TCF7L2: variants seen among roughly 807,000 people sequenced by gnomAD.
TCF7L2 encodes transcription factor 7-like 2.
In TCF7L2, 23 loss-of-function variants were observed where a neutral mutation model predicts 77.9. The ratio of observed to expected loss-of-function variants is 0.30; its 90% CI spans 0.21 to 0.42. The LOEUF (loss-of-function observed/expected upper bound fraction) is 0.42. Ranked by LOEUF, TCF7L2 falls within the 10% of genes least tolerant of loss-of-function variation. The pLI is 1.00. For missense variants in TCF7L2, 654 were observed against 793.1 expected, an observed-to-expected ratio of 0.82 and a Z score of 2.11; for synonymous variants, 413 against 340.2, an observed-to-expected ratio of 1.21 and a Z score of -2.36.
chr10:113,129,204 C>T, intron 5 of TCF7L2: 1 of 562,084 alleles, frequency 1.8e-6, no homozygotes, highest in African/African-American at 2.0e-5. Flanking sequence ...TCCTTTCCTC[C>T]TCCCTCCCCT....
At chr10:113,165,407 C>T (rs371873437) in intron 13 of TCF7L2, 148 bp from the exon 15 acceptor site, 200 of 838,478 alleles carry the variant, frequency 2.4e-4, no homozygotes, top group Middle Eastern at 1.1e-3. Context: ...CCTGGGGGGG[C>T]GCCACTGTAA....
At chr10:113,089,465 T>C (rs758190471) in intron 5 of TCF7L2, 1 of 1,613,830 alleles carries the variant, frequency 6.2e-7, no homozygotes, top group Non-Finnish European at 8.5e-7. Context: ...CAGACTTCAC[T>C]GTCAGCACTC....
chr10:113,157,946 C>A lies in TCF7L2; in HGVS notation c.1270-75C>A, dbSNP rs945981401. ...TATGGTCACTTCCTCCTGCCTTCTCCTTCCAGGTGCGCCCAGACACTCTTC... is the reference window on the plus strand; with the variant it reads ...TATGGTCACTTCCTCCTGCCTTCTCATTCCAGGTGCGCCCAGACACTCTTC... On this transcript the variant is annotated intron_variant, in intron 11 of 13. Coordinates refer to ENST00000627217, the MANE Select transcript of TCF7L2 (RefSeq NM_001146274.2). 4.0e-6 allele frequency: 6 copies of A among 1,485,534 alleles called. No homozygotes were observed. The African/African-American group carries it at 8.4e-5, about 21-fold the overall frequency. The allele number at this position is 1,485,534 out of a possible 1,614,324, so 92.0% of individuals were successfully genotyped here.
intron 3 of TCF7L2, among the ~76,000 whole-genome samples, chr10:112,952,160 G>C (rs1209879765): frequency 6.6e-6 from 1 of 152,212 alleles, no homozygotes; most frequent in Non-Finnish European, 1.5e-5. Context: ...CATTGGACTT[G>C]AGAACTGGCT....
intron 4 of TCF7L2, among the ~76,000 whole-genome samples, chr10:113,031,794 T>A (rs779266730): frequency 1.2e-4 from 18 of 152,100 alleles, no homozygotes; most frequent in Admixed American, 3.3e-4. Context: ...TGGCCCTACT[T>A]ACCTTCTTTG....
At chr10:112,986,724 C>A (rs1275973425) in intron 4 of TCF7L2, among the ~76,000 whole-genome samples, 1 of 152,128 alleles carries the variant, frequency 6.6e-6, no homozygotes, top group African/African-American at 2.4e-5. Context: ...TTTCTTGCAG[C>A]CTCCACACCT....
Position 113,165,885 on chromosome 10 carries a change from G to T in TCF7L2, c.1722G>T (p.Gln574His), listed in dbSNP as rs755384168. The T allele has an allele frequency of 6.2e-7, 1 of 1,603,572 alleles. No individual in the cohort carries two copies. The highest frequency in any genetic ancestry group is 8.5e-7 in the Non-Finnish European group (1 of 1,174,208). Residue 574 changes from glutamine (Q) to histidine (H), a missense_variant, in exon 14 of 14, where the codon CAG becomes CAT. Coordinates refer to ENST00000627217, the MANE Select transcript of TCF7L2 (RefSeq NM_001146274.2). ...CCGCCCCCTCCTCATCAATTGCACAGCCGTCGACTTCTTCCTTACATTCCC... is the reference window on the plus strand; with the variant it reads ...CCGCCCCCTCCTCATCAATTGCACATCCGTCGACTTCTTCCTTACATTCCC...
At chr10:113,133,296 A>G (rs972334628) in intron 5 of TCF7L2, 4 of 152,010 alleles carry the variant, frequency 2.6e-5, no homozygotes, top group African/African-American at 9.7e-5. Context: ...CCAGGTACGA[A>G]TGTTCCTCTA....
intron 5 of TCF7L2, among the ~76,000 whole-genome samples, chr10:113,050,451 C>A (rs1483012789): frequency 6.6e-6 from 1 of 152,096 alleles, no homozygotes; most frequent in African/African-American, 2.4e-5. Context: ...AGACCCAACT[C>A]AAGAACACAC....
intron 4 of TCF7L2, among the ~76,000 whole-genome samples, chr10:113,030,985 G>A (rs1275243576): frequency 3.3e-5 from 5 of 152,192 alleles, no homozygotes; most frequent in Admixed American, 6.5e-5. Flanking sequence ...CTGCACCATT[G>A]CAGGGTCTTT....
intron 8 of TCF7L2, among the ~76,000 whole-genome samples, chr10:113,150,479 T>C (rs1002218827): frequency 6.6e-6 from 1 of 152,050 alleles, no homozygotes; most frequent in East Asian, 1.9e-4. Flanking sequence ...AAAAGAAAAA[T>C]AAAAATTGTA....
intron 5 of TCF7L2, among the ~76,000 whole-genome samples, chr10:113,086,698 C>T: frequency 6.6e-6 from 1 of 151,800 alleles, no homozygotes; most frequent in African/African-American, 2.4e-5. Context: ...ATGTTTATTT[C>T]CTGGTCTTTA....
At chr10:113,133,714 G>A (rs746415374) in intron 5 of TCF7L2, among the ~76,000 whole-genome samples, 3 of 152,278 alleles carry the variant, frequency 2.0e-5, no homozygotes, top group Middle Eastern at 3.4e-3. Context: ...ACTATGAGTC[G>A]GCAAAATTTC....
chr10:113,077,516 T>C (rs995050146), intron 5 of TCF7L2, among the ~76,000 whole-genome samples: 1 of 152,110 alleles, frequency 6.6e-6, no homozygotes, highest in African/African-American at 2.4e-5. Context: ...TTCTCCCCCA[T>C]GCCCAAGGCA....
At chr10:113,058,926 G>C (rs2055893435) in intron 5 of TCF7L2, among the ~76,000 whole-genome samples, 1 of 152,186 alleles carries the variant, frequency 6.6e-6, no homozygotes, top group Non-Finnish European at 1.5e-5. Flanking sequence ...CTGCAAACAG[G>C]AAACGGTGCT....
At chr10:112,970,559 G>A (rs777891230) in intron 4 of TCF7L2, among the ~76,000 whole-genome samples, 5 of 151,958 alleles carry the variant, frequency 3.3e-5, no homozygotes, top group Non-Finnish European at 7.4e-5. Flanking sequence ...CCTGGGGTGC[G>A]TTGACACAGA....
intron 7 of TCF7L2, 111 bp downstream of exon 7, chr10:113,144,136 G>GTGTA: frequency 1.2e-6 from 1 of 815,638 alleles, no homozygotes; most frequent in African/African-American, 1.9e-5. Flanking sequence ...GTGTGTGTGT[G>GTGTA]TATGTGTGTG....
At chr10:112,956,889 G>T (rs1029435099) in intron 3 of TCF7L2, among the ~76,000 whole-genome samples, 8 of 152,118 alleles carry the variant, frequency 5.3e-5, no homozygotes, top group Non-Finnish European at 8.8e-5. Context: ...AATGAGATGG[G>T]GGGAGGTGGT....
At chr10:113,031,266 A>C (rs2050161315) in intron 4 of TCF7L2, among the ~76,000 whole-genome samples, 1 of 152,194 alleles carries the variant, frequency 6.6e-6, no homozygotes, top group Non-Finnish European at 1.5e-5. Context: ...GCCTTTGAGG[A>C]AGTAAAATGG....
Sources: allele counts gnomAD v4.1 joint callset (sites outside exome capture counted in the v4.1 genomes callset), GRCh38; gene constraint gnomAD v4.1.1; transcripts MANE v1.5; gene names NCBI Gene and HGNC (gene_info 2026-07-23, HGNC 2026-07-21).